The following PRKCA variants were observed in gnomAD, a reference collection of about 807,000 sequenced individuals.
PRKCA encodes the protein protein kinase C alpha type.
In PRKCA, 27 loss-of-function variants were observed where a neutral mutation model predicts 87.0. That is an observed-to-expected ratio of 0.31 (90% confidence interval 0.23 to 0.43). PRKCA has a LOEUF of 0.43. PRKCA is among the 20% of genes least tolerant of loss of function. The pLI, the probability that PRKCA is intolerant of heterozygous loss-of-function variation, is 1.00. For synonymous variants in PRKCA, 329 were observed against 311.1 expected (o/e 1.06, Z -0.61); for missense variants, 518 against 852.3 (o/e 0.61, Z 4.88).
chr17:66,737,402 A>G (rs1974061485), intron 10 of PRKCA, among the ~76,000 whole-genome samples: 2 of 152,184 alleles, frequency 1.3e-5, no homozygotes, highest in South Asian at 4.1e-4. Flanking sequence ...AGATGCCACC[A>G]TAGTGAGACG....
intron 3 of PRKCA, among the ~76,000 whole-genome samples, chr17:66,497,844 G>A (rs188190874): frequency 6.6e-6 from 1 of 152,312 alleles, no homozygotes; most frequent in East Asian, 1.9e-4. Context: ...TTGCGTTGTT[G>A]TAACACAAGT....
rs140691487 is a variant in PRKCA at position 66,418,647 on chromosome 17, G to T, written c.206-77554G>T. On this transcript the variant is annotated intron_variant, in intron 2 of 16. Transcript: ENST00000413366. ...AGACGGGGTTTCACCATATTGGCCA[G>T]GGTGGCCTCGATCTCCTGACCTCAA... Among the ~76,000 whole-genome samples the T allele has an allele frequency of 2.4e-3, 366 of 152,212 alleles. 2 individuals are homozygous for T. The highest frequency in any genetic ancestry group is 8.7e-3 in the African/African-American group (360 of 41,552).
chr17:66,317,141 C>CAA lies in PRKCA; in HGVS notation c.205+11030_205+11031dup, dbSNP rs1203756925. Reference sequence around the variant, plus strand: ...TGGGTGACAGAGTGAGACTCTGTCTCAAAAAAAAAAAAAAAAATCAGTAAC... The same window carrying CAA: ...TGGGTGACAGAGTGAGACTCTGTCTCAAAAAAAAAAAAAAAAAAATCAGTAAC... On this transcript the variant is annotated intron_variant, in intron 2 of 16. Transcript: ENST00000413366. Among the ~76,000 whole-genome samples, 84 of 82,214 alleles carry CAA rather than the reference C, an allele frequency of 1.0e-3. 1 individual carries two copies. The highest frequency in any genetic ancestry group is 7.3e-3 in the South Asian group (19 of 2,608). The allele number at this position is 82,214 out of a possible 152,430, so 53.9% of individuals were successfully genotyped here.
Position 66,741,871 on chromosome 17 carries a change from C to A in PRKCA, c.1385+150C>A, listed in dbSNP as rs564452710. 1.8e-5 allele frequency: 12 copies of A among 659,986 alleles called. No homozygotes were observed. The South Asian group carries it at 2.7e-4, about 15-fold the overall frequency. The allele number at this position is 659,986 out of a possible 1,614,324, so 40.9% of individuals were successfully genotyped here. On this transcript the variant is annotated intron_variant, in intron 12 of 16. Coordinates refer to ENST00000413366, the MANE Select transcript of PRKCA (RefSeq NM_002737.3). ...TGCTGGGACCCACCTTCCTCCTCAC[C>A]CTGGAGGCAAATCAGAGCCACCTTC... is the stretch of plus-strand genomic sequence containing the variant.
chr17:66,518,934 G>A (rs1162885569), intron 3 of PRKCA, among the ~76,000 whole-genome samples: 1 of 152,170 alleles, frequency 6.6e-6, no homozygotes, highest in East Asian at 1.9e-4. Context: ...CATCAACACA[G>A]AGCTTTAATA....
intron 2 of PRKCA, among the ~76,000 whole-genome samples, chr17:66,448,665 A>G (rs1394050454): frequency 6.6e-6 from 1 of 152,190 alleles, no homozygotes; most frequent in African/African-American, 2.4e-5. Flanking sequence ...AGAAGAATTC[A>G]CTGTGGCTTT....
At chr17:66,425,723 G>T (rs900756652) in intron 2 of PRKCA, among the ~76,000 whole-genome samples, 1 of 152,148 alleles carries the variant, frequency 6.6e-6, no homozygotes, top group African/African-American at 2.4e-5. Flanking sequence ...CAGCGATTCA[G>T]TTAGCATATT....
chr17:66,752,461 T>A (rs1470450960), intron 13 of PRKCA, among the ~76,000 whole-genome samples: 1 of 151,944 alleles, frequency 6.6e-6, no homozygotes, highest in East Asian at 1.9e-4. Flanking sequence ...CTGGGTGTGG[T>A]GGTGGGCACC....
intron 14 of PRKCA, among the ~76,000 whole-genome samples, chr17:66,784,032 C>T (rs759419368): frequency 5.3e-5 from 8 of 152,220 alleles, no homozygotes; most frequent in East Asian, 1.9e-4. Flanking sequence ...GAGGGACTCC[C>T]GTTTTCATTT....
chr17:66,516,537 G>A (rs1966976664), intron 3 of PRKCA, among the ~76,000 whole-genome samples: 2 of 152,038 alleles, frequency 1.3e-5, no homozygotes, highest in African/African-American at 4.8e-5. Flanking sequence ...GGAGGTTGAG[G>A]CTGCAGAATC....
intron 2 of PRKCA, among the ~76,000 whole-genome samples, chr17:66,484,884 CT>C (rs1214611424): frequency 6.6e-6 from 1 of 151,664 alleles, no homozygotes; most frequent in East Asian, 1.9e-4. Flanking sequence ...TACTTTCTCA[CT>C]GTTGAAATTG....
chr17:66,321,803 C>G (rs1208317701), intron 2 of PRKCA, among the ~76,000 whole-genome samples: 1 of 152,138 alleles, frequency 6.6e-6, no homozygotes, highest in Non-Finnish European at 1.5e-5. Flanking sequence ...CTCAGCCTCC[C>G]AAAGTGCTGG....
At chr17:66,658,797 C>A (rs9911259) in intron 5 of PRKCA, among the ~76,000 whole-genome samples, 87,209 of 151,964 alleles carry the variant, frequency 0.57, 25,358 homozygotes, top group African/African-American at 0.69. Flanking sequence ...CAAATTAACT[C>A]TTTCAGTCCT....
At chr17:66,552,508 T>G (rs1299574215) in intron 3 of PRKCA, among the ~76,000 whole-genome samples, 1 of 152,206 alleles carries the variant, frequency 6.6e-6, no homozygotes, top group Non-Finnish European at 1.5e-5. Flanking sequence ...CTAAGCCTGC[T>G]CATGTGATGG....
intron 2 of PRKCA, among the ~76,000 whole-genome samples, chr17:66,331,170 A>G (rs1457649823): frequency 6.6e-6 from 1 of 151,950 alleles, no homozygotes; most frequent in Non-Finnish European, 1.5e-5. Context: ...GAGCTTGGGG[A>G]TGTGGCTGTC....
chr17:66,616,824 G>A (rs1362070244), intron 3 of PRKCA, among the ~76,000 whole-genome samples: 2 of 152,002 alleles, frequency 1.3e-5, no homozygotes, highest in Non-Finnish European at 2.9e-5. Context: ...TGGTAAGGAG[G>A]CACAGAGGAG....
intron 3 of PRKCA, among the ~76,000 whole-genome samples, chr17:66,618,374 A>G (rs1970574636): frequency 6.6e-6 from 1 of 150,448 alleles, no homozygotes; most frequent in South Asian, 2.1e-4. Flanking sequence ...AAAAAAGAAC[A>G]TAGTCATTCA....
At chr17:66,392,632 C>T (rs968022429) in intron 2 of PRKCA, among the ~76,000 whole-genome samples, 1 of 151,832 alleles carries the variant, frequency 6.6e-6, no homozygotes, top group East Asian at 1.9e-4. Flanking sequence ...GCCGTGTAGA[C>T]CAGTGAGGTG....
intron 3 of PRKCA, among the ~76,000 whole-genome samples, chr17:66,614,386 G>A (rs1017925922): frequency 6.6e-6 from 1 of 152,162 alleles, no homozygotes; most frequent in East Asian, 1.9e-4. Flanking sequence ...TCTACCACAC[G>A]TGAGGCAGTT....
Sources: allele counts gnomAD v4.1 joint callset (sites outside exome capture counted in the v4.1 genomes callset), GRCh38; gene constraint gnomAD v4.1.1; transcripts MANE v1.5; gene names NCBI Gene and HGNC (gene_info 2026-07-23, HGNC 2026-07-21).